The following RNF175 variants were observed in gnomAD, a reference collection of about 807,000 sequenced individuals.
RNF175 encodes ring finger protein 175.
Under a neutral mutation model 50.0 loss-of-function variants are expected in RNF175, and 38 were observed. The ratio of observed to expected loss-of-function variants is 0.76; its 90% CI spans 0.59 to 1.00. The LOEUF is 1.00. Among genes scored for constraint, RNF175 ranks in the 50% least tolerant of loss-of-function variants. The pLI, the probability that RNF175 is intolerant of heterozygous loss-of-function variation, is 0.00. For missense variants in RNF175, 388 were observed against 409.6 expected (o/e 0.95, Z 0.46); for synonymous variants, 155 against 146.1 (o/e 1.06, Z -0.44).
At chr4:153,715,475 G>A (rs1302311818) in intron 7 of RNF175, 54 bp downstream of exon 7, 5 of 1,526,254 alleles carry the variant, frequency 3.3e-6, no homozygotes, top group Non-Finnish European at 4.4e-6. Flanking sequence ...AGGAGGAGAA[G>A]GAGGAAAGAA....
chr4:153,744,768 A>G (rs1054012407), intron 3 of RNF175, among the ~76,000 whole-genome samples: 6 of 152,214 alleles, frequency 3.9e-5, no homozygotes, highest in Admixed American at 3.9e-4. Flanking sequence ...GTGAAGAACT[A>G]GTGAGGTTTG....
intron 3 of RNF175, among the ~76,000 whole-genome samples, chr4:153,738,820 G>T (rs2579916): frequency 0.18 from 26,775 of 151,874 alleles, 3,039 homozygotes; most frequent in Non-Finnish European, 0.25. Context: ...TGCCTTCTCT[G>T]GTTTTAACTG....
chr4:153,756,828 G>C (rs1740589670), intron 1 of RNF175, among the ~76,000 whole-genome samples: 1 of 152,258 alleles, frequency 6.6e-6, no homozygotes. Flanking sequence ...ATTACCAGCA[G>C]AGGGCAAGGG....
chr4:153,743,022 C>G (rs1446721162), intron 3 of RNF175, among the ~76,000 whole-genome samples: 6 of 152,186 alleles, frequency 3.9e-5, no homozygotes, highest in Non-Finnish European at 5.9e-5. Context: ...GCTAGCTTCT[C>G]TCTGGATGAT....
Position 153,751,423 on chromosome 4 carries a change from A to T in RNF175, c.104+15T>A, listed in dbSNP as rs1234515839. On this transcript the variant is annotated intron_variant, in intron 2 of 8. Coordinates refer to ENST00000347063, the MANE Select transcript of RNF175 (RefSeq NM_173662.4). The stretch of plus-strand genomic sequence containing the variant: ...TTTTTAGCAAAACAACTCTTAAAAA[A>T]TACTAATTACTTACTTCCATGTGTC... 2.0e-6 allele frequency: 3 copies of T among 1,518,624 alleles called. No individual in the cohort carries two copies. Among genetic ancestry groups the T allele is most frequent in the African/African-American group, 1.4e-5 (1 of 72,024 alleles). The allele number at this position is 1,518,624 out of a possible 1,614,324, so 94.1% of individuals were successfully genotyped here.
Position 153,728,367 on chromosome 4 carries a change from A to G in RNF175, c.247-6T>C. On this transcript the variant is annotated splice_region_variant and splice_polypyrimidine_tract_variant and intron_variant, in intron 3 of 8. Transcript: ENST00000347063. ...ATCTGCAACAAGGTCACCAGCTGTC[A>G]GAGAAATGAACAGGAAGTATCTTTC... is the stretch of plus-strand genomic sequence containing the variant. 6.2e-7 allele frequency: 1 copy of G among 1,613,072 alleles called. No homozygotes were observed. Among genetic ancestry groups the G allele is most frequent in the Non-Finnish European group, 8.5e-7 (1 of 1,179,226 alleles).
chr4:153,750,206 C>T (rs749060084), intron 2 of RNF175, among the ~76,000 whole-genome samples: 9 of 152,302 alleles, frequency 5.9e-5, no homozygotes, highest in South Asian at 4.1e-4. Context: ...TTTCCACTTA[C>T]GTCTAGTTAC....
chr4:153,735,810 G>C (rs1249427199), intron 3 of RNF175, among the ~76,000 whole-genome samples: 1 of 152,016 alleles, frequency 6.6e-6, no homozygotes, highest in East Asian at 1.9e-4. Context: ...GTTCATTACT[G>C]GTAACAATTG....
At chr4:153,733,115 A>G (rs1019665463) in intron 3 of RNF175, among the ~76,000 whole-genome samples, 2 of 152,200 alleles carry the variant, frequency 1.3e-5, no homozygotes, top group African/African-American at 4.8e-5. Flanking sequence ...AACATAATCT[A>G]TCTAGACAAA....
At position 153,746,951 on chromosome 4, in the gene RNF175, C is replaced by T. The variant is rs115102240; in HGVS notation, c.246+1694G>A. Reference sequence around the variant, plus strand: ...CACAGGTTGAGCTGCACCTGGGCTCCCTGGAGCCACAGCTGAAGCAGCCAA... The same window carrying T: ...CACAGGTTGAGCTGCACCTGGGCTCTCTGGAGCCACAGCTGAAGCAGCCAA... On this transcript the variant is annotated intron_variant, in intron 3 of 8. Transcript: ENST00000347063. Among the ~76,000 whole-genome samples, 784 of 152,312 alleles carry T rather than the reference C, an allele frequency of 5.1e-3. 7 individuals carry two copies. The highest frequency in any genetic ancestry group is 0.016 in the African/African-American group (673 of 41,572).
chr4:153,750,442 A>C (rs1333005641), intron 2 of RNF175, among the ~76,000 whole-genome samples: 1 of 152,174 alleles, frequency 6.6e-6, no homozygotes, highest in Non-Finnish European at 1.5e-5. Flanking sequence ...CAGCCCACAG[A>C]GCCCAGTAAA....
chr4:153,750,567 A>C (rs1740232507), intron 2 of RNF175, among the ~76,000 whole-genome samples: 1 of 152,262 alleles, frequency 6.6e-6, no homozygotes, highest in Admixed American at 6.5e-5. Context: ...AATCCATATC[A>C]GGTAAGCAAC....
intron 1 of RNF175, among the ~76,000 whole-genome samples, chr4:153,752,200 TAA>T (rs1280802526): frequency 7.9e-5 from 12 of 152,248 alleles, no homozygotes; most frequent in African/African-American, 2.9e-4. Context: ...CGTAATCGTG[TAA>T]CTTTGGTGGA....
At chr4:153,747,305 A>G (rs1167186217) in intron 3 of RNF175, among the ~76,000 whole-genome samples, 1 of 152,136 alleles carries the variant, frequency 6.6e-6, no homozygotes, top group Non-Finnish European at 1.5e-5. Context: ...TATAAATTCC[A>G]TCTTTAAATC....
At chr4:153,742,631 G>A (rs1305962179) in intron 3 of RNF175, among the ~76,000 whole-genome samples, 1 of 152,106 alleles carries the variant, frequency 6.6e-6, no homozygotes, top group Non-Finnish European at 1.5e-5. Flanking sequence ...AGTGAGGTTG[G>A]ATTCTAGCCT....
chr4:153,736,347 T>A (rs1464958733), intron 3 of RNF175, among the ~76,000 whole-genome samples: 1 of 152,270 alleles, frequency 6.6e-6, no homozygotes, highest in Non-Finnish European at 1.5e-5. Context: ...TTTTATACAT[T>A]GTTGGATTTG....
chr4:153,748,854 A>G (rs1285914268), intron 2 of RNF175, 68 bp from the exon 3 acceptor site: 1 of 1,398,762 alleles, frequency 7.1e-7, no homozygotes, highest in African/African-American at 1.4e-5. Context: ...AAAAAACAAA[A>G]AACAAAAAAC....
intron 3 of RNF175, among the ~76,000 whole-genome samples, chr4:153,738,240 G>C (rs746044989): frequency 2.0e-5 from 3 of 152,016 alleles, no homozygotes; most frequent in Non-Finnish European, 4.4e-5. Flanking sequence ...TATAGAGATG[G>C]GGTTTCATCA....
At chr4:153,743,541 A>T (rs991134254) in intron 3 of RNF175, among the ~76,000 whole-genome samples, 2 of 151,820 alleles carry the variant, frequency 1.3e-5, no homozygotes, top group African/African-American at 2.4e-5. Context: ...GTCCTTGACT[A>T]TGGTGGGGGC....
Sources: gnomAD v4.1 joint callset for allele counts (sites outside exome capture counted in the v4.1 genomes callset) on GRCh38, gnomAD v4.1.1 for gene constraint, MANE v1.5 for transcripts, NCBI Gene and HGNC (gene_info 2026-07-23, HGNC 2026-07-21) for gene names.